Variants in CLCN2 observed in about 807,000 individuals in gnomAD.
CLCN2 encodes the protein chloride voltage-gated channel 2.
In CLCN2, 72 loss-of-function variants were observed where a neutral mutation model predicts 108.3. The ratio of observed to expected loss-of-function variants is 0.66; its 90% CI spans 0.55 to 0.81. CLCN2 has a LOEUF of 0.81. Ranked by LOEUF, CLCN2 falls within the 30% of genes least tolerant of loss-of-function variation. CLCN2 has a pLI of 0.00. For missense variants in CLCN2, 1,048 were observed against 1,205.2 expected, an observed-to-expected ratio of 0.87 and a Z score of 1.93; for synonymous variants, 471 against 467.1, an observed-to-expected ratio of 1.01 and a Z score of -0.11.
intron 22 of CLCN2, 68 bp from the exon 23 acceptor site, chr3:184,347,089 G>A (rs1203292835): frequency 7.3e-7 from 1 of 1,361,650 alleles, no homozygotes; most frequent in African/African-American, 1.4e-5. Flanking sequence ...CAGGCCACAG[G>A]GGCCCAGGAC....
chr3:184,351,872 C>T, intron 22 of CLCN2, 141 bp downstream of exon 22: 1 of 752,990 alleles, frequency 1.3e-6, no homozygotes, highest in Non-Finnish European at 2.4e-6. Flanking sequence ...AGCAGTATGT[C>T]TAAAAAACAT....
chr3:184,347,426 A>C (rs1426671462), intron 22 of CLCN2: 1 of 344,180 alleles, frequency 2.9e-6, no homozygotes, highest in Non-Finnish European at 5.7e-6. Flanking sequence ...GAGAAGCAGC[A>C]TGGGGCTCAA....
chr3:184,359,926 T>C (rs1184373268), intron 1 of CLCN2, among the ~76,000 whole-genome samples: 2 of 103,426 alleles, frequency 1.9e-5, no homozygotes, highest in Admixed American at 1.3e-4. Context: ...CGGGGAGGAG[T>C]AGATTCTGGC....
intron 18 of CLCN2, 89 bp from the exon 19 acceptor site, chr3:184,352,899 C>A: frequency 6.4e-7 from 1 of 1,554,564 alleles, no homozygotes; most frequent in Non-Finnish European, 8.9e-7. Context: ...GGAGAGGTAT[C>A]CCAGTTCCAG....
intron 17 of CLCN2, 48 bp downstream of exon 17, chr3:184,353,202 C>T: frequency 6.2e-7 from 1 of 1,611,488 alleles, no homozygotes; most frequent in Non-Finnish European, 8.5e-7. Flanking sequence ...CCCTCCCAAT[C>T]AGTCTACACA....
chr3:184,352,584 G>A, intron 19 of CLCN2, 88 bp from the exon 20 acceptor site: 4 of 1,478,238 alleles, frequency 2.7e-6, no homozygotes, highest in South Asian at 1.2e-5. Flanking sequence ...GAGCCCAGGG[G>A]AAAGGGCACG....
In CLCN2 at chr3:184,352,982, G is replaced by T. The variant is rs377140170; in HGVS notation, c.2143+51C>A. 1,729 of 1,571,448 alleles carry T rather than the reference G, an allele frequency of 1.1e-3. 1 individual carries two copies. Among genetic ancestry groups the T allele is most frequent in the Non-Finnish European group, 1.4e-3 (1,652 of 1,141,336 alleles). On this transcript the variant is annotated intron_variant, in intron 18 of 23. Coordinates refer to ENST00000265593, the MANE Select transcript of CLCN2 (RefSeq NM_004366.6). ...ACAGGGCTGGGCAGGGACTCTAATG[G>T]ATCTCAGTAGCTTGGCTGAGGCTCT...
chr3:184,356,142 CTT>C (rs1165884148), intron 10 of CLCN2: 1 of 343,182 alleles, frequency 2.9e-6, no homozygotes, highest in African/African-American at 2.1e-5. Flanking sequence ...TTCTGCCTCT[CTT>C]TGTCTCTCTG....
rs1374209996 is a variant in CLCN2 at position 184,354,103 on chromosome 3, G to A, written c.1719C>T (p.His573=). ...CCTTGGCACCCAGCCCTCCGTACTG[G>A]TGGCGGCCCCAGCCGAGCTCAGGCA... ...PYLPELGWGR[H]QQYRVRVEDI... The change falls in exon 15 of 24, where the codon CAC becomes CAT. Residue 573 remains histidine (H), a splice_region_variant and synonymous_variant. Coordinates refer to ENST00000265593, the MANE Select transcript of CLCN2 (RefSeq NM_004366.6). 5 of 1,611,714 alleles carry A rather than the reference G, an allele frequency of 3.1e-6. No homozygotes were observed. Among genetic ancestry groups the A allele is most frequent in the Admixed American group, 1.7e-5 (1 of 59,790 alleles).
chr3:184,354,495 C>T (rs1353692716), intron 14 of CLCN2, 53 bp downstream of exon 14: 1 of 1,338,888 alleles, frequency 7.5e-7, no homozygotes, highest in Non-Finnish European at 1.0e-6. Context: ...GACCCTGTGG[C>T]TGGGGCGTGG....
chr3:184,357,624 A>G lies in CLCN2; in HGVS notation c.768T>C (p.Ile256=). The G allele has an allele frequency of 6.2e-7, 1 of 1,613,996 alleles. No homozygotes were observed. Among genetic ancestry groups the G allele is most frequent in the Non-Finnish European group, 8.5e-7 (1 of 1,180,020 alleles). The change falls in exon 7 of 24, where the codon ATT becomes ATC. Residue 256 remains isoleucine (I), a synonymous_variant. Coordinates refer to ENST00000265593, the MANE Select transcript of CLCN2 (RefSeq NM_004366.6). ...TGACCTAGGAGCCCTGCCTACCTCC[A>G]ATAGGTGCCGCGAAGCAGCAGCCCA... is the stretch of plus-strand genomic sequence containing the variant. ...VGVGCCFAAP[I]GGVLFSIEVT... is the part of the protein sequence containing the mutation.
intron 5 of CLCN2, 41 bp from the exon 6 acceptor site, chr3:184,357,897 C>T: frequency 6.2e-7 from 1 of 1,613,526 alleles, no homozygotes; most frequent in Non-Finnish European, 8.5e-7. Context: ...GGGGGCCCGC[C>T]CTGACCTTGG....
chr3:184,361,555 G>C lies in CLCN2; in HGVS notation c.-76C>G. ...ACTCGGCTCCCGGCCCGCAAAGTCC[G>C]CGCCGGCAGCCGTCCCGTCCCCGCA... On this transcript the variant is annotated 5_prime_UTR_variant, in exon 1 of 24. Coordinates refer to ENST00000265593, the MANE Select transcript of CLCN2 (RefSeq NM_004366.6). The surrounding 1 kb of genome is among the most constrained non-coding windows in gnomAD (Gnocchi z 6.6). The C allele has an allele frequency of 6.5e-7, 1 of 1,529,666 alleles. No individual in the cohort carries two copies. The highest frequency in any genetic ancestry group is 8.9e-7 in the Non-Finnish European group (1 of 1,120,564). 94.8% of individuals were successfully genotyped at this position (1,529,666 alleles called of 1,614,324 possible).
In CLCN2 at chr3:184,361,325, T is replaced by G; in HGVS notation, c.63+92A>C. The G allele has an allele frequency of 1.5e-6, 2 of 1,295,542 alleles. No homozygotes were observed. The highest frequency in any genetic ancestry group is 2.2e-6 in the Non-Finnish European group (2 of 892,540). 80.3% of individuals were successfully genotyped at this position (1,295,542 alleles called of 1,614,324 possible). ...CCCAGCTCAAAATGCTAGGACAGGA[T>G]TAGGGTAGGCCCCTGGTCCTCGCGC... On this transcript the variant is annotated intron_variant, in intron 1 of 23. Coordinates refer to ENST00000265593, the MANE Select transcript of CLCN2 (RefSeq NM_004366.6). This position sits in a 1 kb window ranked among gnomAD's most constrained non-coding sequence, Gnocchi z 6.6.
Position 184,354,661 on chromosome 3 carries a change from T to C in CLCN2, c.1397-3A>G. ...CACCAGACGCCCAAATGCTGCTCCTTCAGGGAGGGGGGTGGGAAGAGAAAG... is the reference window on the plus strand; with the variant it reads ...CACCAGACGCCCAAATGCTGCTCCTCCAGGGAGGGGGGTGGGAAGAGAAAG... On this transcript the variant is annotated splice_polypyrimidine_tract_variant and splice_region_variant and intron_variant, in intron 13 of 23. Transcript: ENST00000265593. 1 of 891,376 alleles carries C rather than the reference T, an allele frequency of 1.1e-6. No homozygotes were observed. The highest frequency in any genetic ancestry group is 1.7e-6 in the Non-Finnish European group (1 of 600,694). 55.2% of individuals were successfully genotyped at this position (891,376 alleles called of 1,614,324 possible).
intron 1 of CLCN2, among the ~76,000 whole-genome samples, chr3:184,359,480 G>A (rs566316950): frequency 1.3e-5 from 2 of 152,326 alleles, no homozygotes; most frequent in South Asian, 2.1e-4. Context: ...CTAAAAGTGG[G>A]AGGCGGGAAG....
Position 184,353,293 on chromosome 3 carries a change from TC to T in CLCN2, c.1984del (p.Asp662IlefsTer16), listed in dbSNP as rs1192176644. On this transcript the variant is annotated frameshift_variant, in exon 17 of 24. Transcript: ENST00000265593. LOFTEE classifies it high-confidence loss of function. The stretch of plus-strand genomic sequence containing the variant: ...CTCAGGGGTAGGGGGACCCTCCTGA[TC>T]AGATAGTGGAGAGGTCTGGGTGGCT... The part of the protein sequence containing the change: ...RRATQTSPLS[D>X]QEGPPTPEAS... 6.2e-7 allele frequency: 1 copy of T among 1,613,800 alleles called. No homozygotes were observed. The highest frequency in any genetic ancestry group is 8.5e-7 in the Non-Finnish European group (1 of 1,179,998).
At position 184,354,567 on chromosome 3, in the gene CLCN2, A is replaced by C; in HGVS notation, c.1488T>G (p.Pro496=). 6.2e-7 allele frequency: 1 copy of C among 1,612,872 alleles called. No individual in the cohort carries two copies. Among genetic ancestry groups the C allele is most frequent in the Non-Finnish European group, 8.5e-7 (1 of 1,179,778 alleles). Residue 496 remains proline, a synonymous_variant, in exon 14 of 24, where the codon CCT becomes CCG. Transcript: ENST00000265593. ...HTDSSTYRIV[P]GGYAVVGAAA... ...ACTCACCGACCACAGCGTAGCCCCC[A>C]GGCACAATCCGGTAGGTGCTGCTGT...
chr3:184,348,724 T>A (rs927856604), intron 22 of CLCN2: 2 of 152,184 alleles, frequency 1.3e-5, no homozygotes, highest in Admixed American at 1.3e-4. Context: ...CCAAGGAGCC[T>A]ATTAAATAGT....
Sources: allele counts gnomAD v4.1 joint callset (sites outside exome capture counted in the v4.1 genomes callset), GRCh38; gene constraint gnomAD v4.1.1; non-coding constraint Gnocchi (gnomAD v3.1); transcripts MANE v1.5; gene names NCBI Gene and HGNC (gene_info 2026-07-23, HGNC 2026-07-21).